Variants in ATP13A1 observed in about 807,000 individuals in gnomAD.
ATP13A1 encodes endoplasmic reticulum transmembrane helix translocase.
In ATP13A1, 55 loss-of-function variants were observed where a neutral mutation model predicts 134.8. The ratio of observed to expected loss-of-function variants is 0.41; its 90% CI spans 0.33 to 0.51. ATP13A1 has a LOEUF of 0.51. Ranked by LOEUF, ATP13A1 falls within the 20% of genes least tolerant of loss-of-function variation. ATP13A1 has a pLI of 0.29. For synonymous variants in ATP13A1, 775 were observed against 725.1 expected, an observed-to-expected ratio of 1.07 and a Z score of -1.10; for missense variants, 1,389 against 1,652.8, an observed-to-expected ratio of 0.84 and a Z score of 2.77.
rs2062015195 is a variant in ATP13A1, at chr19:19,650,178, C to A, written c.2336-238G>T. ...ACTTGCCTGAGAGCCCGGGACACAGCCAGATTAGAACCTGGGCAGTCTGAC... is the reference window on the plus strand; with the variant it reads ...ACTTGCCTGAGAGCCCGGGACACAGACAGATTAGAACCTGGGCAGTCTGAC... On this transcript the variant is annotated intron_variant, in intron 17 of 25. Transcript: ENST00000357324. 5.1e-6 allele frequency: 3 copies of A among 585,770 alleles called. No homozygotes were observed. The Admixed American group carries it at 9.3e-5, about 18-fold the overall frequency. The allele number at this position is 585,770 out of a possible 1,614,324, so 36.3% of individuals were successfully genotyped here. A position where few individuals can be genotyped will look rare whatever the true frequency, so the allele number is the denominator to read the frequency against.
Position 19,656,576 on chromosome 19 carries a change from G to T in ATP13A1, c.1083+84C>A. ...CTGCCTCCTCCGCCTGTGCCTGAGG[G>T]GGATCCCCGCCACCCCCTGGGCCTC... On this transcript the variant is annotated intron_variant, in intron 7 of 25. Coordinates refer to ENST00000357324, the MANE Select transcript of ATP13A1 (RefSeq NM_020410.3). The surrounding 1 kb of genome is among the most constrained non-coding windows in gnomAD (Gnocchi z 4.6). The T allele has an allele frequency of 1.4e-6, 2 of 1,400,020 alleles. No individual in the cohort carries two copies. Among genetic ancestry groups the T allele is most frequent in the Admixed American group, 2.0e-5 (1 of 50,382 alleles). The allele number at this position is 1,400,020 out of a possible 1,614,324, so 86.7% of individuals were successfully genotyped here.
At position 19,647,489 on chromosome 19, in the gene ATP13A1, T is replaced by G; in HGVS notation, c.2833A>C (p.Ser945Arg). 2 of 1,613,332 alleles carry G rather than the reference T, an allele frequency of 1.2e-6. No individual in the cohort carries two copies. The highest frequency in any genetic ancestry group is 1.7e-6 in the Non-Finnish European group (2 of 1,179,632). Residue 945 changes from serine to arginine, a missense_variant, in exon 21 of 26, where the codon AGT becomes CGT. Physicochemically the swap from Ser to Arg is moderately radical, Grantham distance 110. Transcript: ENST00000357324. This position sits in a 1 kb window ranked among gnomAD's most constrained non-coding sequence, Gnocchi z 4.8. ...SQVLRDLEDE[S>R]TPIVKLGDAS... Reference sequence around the variant, plus strand: ...TCCCCCAGTTTCACAATGGGCGTACTCTCGTCCTCGAGGTCTCGCAGCACC... The same window carrying G: ...TCCCCCAGTTTCACAATGGGCGTACGCTCGTCCTCGAGGTCTCGCAGCACC...
Position 19,657,007 on chromosome 19 carries a change from G to A in ATP13A1, c.893C>T (p.Pro298Leu), listed in dbSNP as rs1428250013. ...MSEIRKMGNK[P>L]HMIQVYRSRK... ...TGGCAGCCACACCTGGATCATGTGG[G>A]GCTTGTTGCCCATCTTCCGGATCTC... The change falls in exon 5 of 26, where the codon CCC becomes CTC. Residue 298 changes from proline to leucine, a missense_variant. Physicochemically the swap from Pro to Leu is moderately conservative, Grantham distance 98. Coordinates refer to ENST00000357324, the MANE Select transcript of ATP13A1 (RefSeq NM_020410.3). 2 of 1,588,762 alleles carry A rather than the reference G, an allele frequency of 1.3e-6. No individual in the cohort carries two copies. Among genetic ancestry groups the A allele is most frequent in the Non-Finnish European group, 1.7e-6 (2 of 1,167,008 alleles).
chr19:19,646,574 A>C, intron 22 of ATP13A1: 1 of 581,980 alleles, frequency 1.7e-6, no homozygotes, highest in Non-Finnish European at 3.0e-6. Context: ...CAGGCTCCCC[A>C]TGGCAGCCAC....
rs751754379 is a variant in ATP13A1 at position 19,651,786 on chromosome 19, G to A, written c.2238C>T (p.Ile746=). ...IQNASHRVVM[I]TGDNPLTACH... ...ATGCAGTGAGCGGGTTGTCTCCCGTGATCATGACCACCTTGGGTAAAGAGG... is the reference window on the plus strand; with the variant it reads ...ATGCAGTGAGCGGGTTGTCTCCCGTAATCATGACCACCTTGGGTAAAGAGG... Residue 746 remains isoleucine, a synonymous_variant, in exon 17 of 26, where the codon ATC becomes ATT. Transcript: ENST00000357324. The A allele has an allele frequency of 3.1e-6, 5 of 1,612,336 alleles. No homozygotes were observed. In the East Asian group the frequency reaches 6.7e-5, roughly 22 times the overall value.
At chr19:19,646,009 G>A in intron 23 of ATP13A1, 24 bp from the exon 24 acceptor site, 1 of 1,608,914 alleles carries the variant, frequency 6.2e-7, no homozygotes, top group Non-Finnish European at 8.5e-7. Context: ...TGGGAGTCAG[G>A]GCCCCCTCTC....
At position 19,645,819 on chromosome 19, in the gene ATP13A1, T is replaced by A; in HGVS notation, c.3361-29A>T. On this transcript the variant is annotated intron_variant, in intron 24 of 25. Transcript: ENST00000357324. The surrounding 1 kb of genome is among the most constrained non-coding windows in gnomAD (Gnocchi z 4.1). Reference sequence around the variant, plus strand: ...TGGGGATGAGGGACAGATGGCTTCATGGGGTGGGGCTGGGTGGGCAGACAG... The same window carrying A: ...TGGGGATGAGGGACAGATGGCTTCAAGGGGTGGGGCTGGGTGGGCAGACAG... The A allele has an allele frequency of 3.4e-6, 1 of 293,954 alleles. No individual in the cohort carries two copies. Among genetic ancestry groups the A allele is most frequent in the Non-Finnish European group, 6.8e-6 (1 of 147,040 alleles). The allele number at this position is 293,954 out of a possible 1,614,324, so 18.2% of individuals were successfully genotyped here. A position where few individuals can be genotyped will look rare whatever the true frequency, so the allele number is the denominator to read the frequency against.
At chr19:19,649,972 GC>G in intron 17 of ATP13A1, 32 bp from the exon 18 acceptor site, 1 of 1,546,302 alleles carries the variant, frequency 6.5e-7, no homozygotes, top group East Asian at 2.4e-5. Flanking sequence ...AGGGCTGGGG[GC>G]TTGGCTGACC....
chr19:19,659,569 G>C (rs773540707), intron 3 of ATP13A1, 32 bp downstream of exon 3: 1 of 1,591,216 alleles, frequency 6.3e-7, no homozygotes, highest in Non-Finnish European at 8.6e-7. Flanking sequence ...GGACAGAAAG[G>C]CAAAGGTGCT....
chr19:19,646,210 G>C lies in ATP13A1; in HGVS notation c.3243C>G (p.Pro1081=), dbSNP rs370704039. ...TCCTCCAAGGCAGCACTTACTTCTC[G>C]GGGCTCCGGGCCTGGGCCTCACGGT... ...YLYREAQARS[P]EKQEQFVDLY... The change falls in exon 23 of 26, where the codon CCC becomes CCG. Residue 1081 remains proline, a synonymous_variant. Transcript: ENST00000357324. The C allele has an allele frequency of 1.3e-5, 21 of 1,613,568 alleles. No homozygotes were observed. Among genetic ancestry groups the C allele is most frequent in the Middle Eastern group, 1.6e-4 (1 of 6,084 alleles).
intron 3 of ATP13A1, among the ~76,000 whole-genome samples, chr19:19,657,623 C>T (rs770972965): frequency 4.6e-5 from 7 of 152,210 alleles, no homozygotes; most frequent in Non-Finnish European, 7.3e-5. Flanking sequence ...ACATGCTGCC[C>T]GCCCACAGCC....
intron 12 of ATP13A1, 142 bp downstream of exon 12, chr19:19,654,976 GT>G (rs1203482005): frequency 6.7e-6 from 9 of 1,348,148 alleles, no homozygotes; most frequent in Non-Finnish European, 9.0e-6. Context: ...CCAGGACTTT[GT>G]GGGGAGCCCC....
At chr19:19,651,513 A>G in intron 17 of ATP13A1, 176 bp downstream of exon 17, 1 of 505,648 alleles carries the variant, frequency 2.0e-6, no homozygotes, top group South Asian at 2.8e-5. Flanking sequence ...CCTGCGACCC[A>G]GTGAACGCTC....
intron 16 of ATP13A1, 33 bp from the exon 17 acceptor site, chr19:19,651,830 C>T (rs771953609): frequency 1.9e-6 from 3 of 1,541,292 alleles, no homozygotes; most frequent in Non-Finnish European, 2.7e-6. Context: ...CTCAGCATGG[C>T]ACCCTGGGGC....
intron 16 of ATP13A1, 98 bp from the exon 17 acceptor site, chr19:19,651,895 T>C: frequency 1.1e-6 from 1 of 880,976 alleles, no homozygotes; most frequent in Non-Finnish European, 1.7e-6. Context: ...TAGGCCACAG[T>C]GGGAGATCCT....
intron 17 of ATP13A1, 80 bp downstream of exon 17, chr19:19,651,609 C>T: frequency 8.8e-7 from 1 of 1,135,760 alleles, no homozygotes; most frequent in South Asian, 1.4e-5. Flanking sequence ...AGGCCTGGTA[C>T]ACAGGTGGGC....
chr19:19,651,555 G>T, intron 17 of ATP13A1, 134 bp downstream of exon 17: 1 of 634,422 alleles, frequency 1.6e-6, no homozygotes, highest in Non-Finnish European at 2.6e-6. Flanking sequence ...GTGGGCCAGG[G>T]CTGTGATTAG....
chr19:19,653,968 C>T lies in ATP13A1; in HGVS notation c.1989+1G>A, dbSNP rs1165245753. 6.3e-7 allele frequency: 1 copy of T among 1,592,158 alleles called. No homozygotes were observed. Among genetic ancestry groups the T allele is most frequent in the Non-Finnish European group, 8.5e-7 (1 of 1,169,960 alleles). On this transcript the variant is annotated splice_donor_variant, in intron 14 of 25. Transcript: ENST00000357324. LOFTEE classifies it high-confidence loss of function. This position sits in a 1 kb window ranked among gnomAD's most constrained non-coding sequence, Gnocchi z 4.2. The stretch of plus-strand genomic sequence containing the variant: ...CTTGCCCCAGGCTGGGGCCAGCTCA[C>T]CATGGAGTGCAGAGTTTCGGGGGCC...
chr19:19,647,493 G>T lies in ATP13A1; in HGVS notation c.2829C>A (p.Asp943Glu). 1 of 1,613,146 alleles carries T rather than the reference G, an allele frequency of 6.2e-7. No homozygotes were observed. Among genetic ancestry groups the T allele is most frequent in the East Asian group, 2.2e-5 (1 of 44,844 alleles). ...RLSQVLRDLE[D>E]ESTPIVKLGD... Reference sequence around the variant, plus strand: ...CCAGTTTCACAATGGGCGTACTCTCGTCCTCGAGGTCTCGCAGCACCTGGC... The same window carrying T: ...CCAGTTTCACAATGGGCGTACTCTCTTCCTCGAGGTCTCGCAGCACCTGGC... Residue 943 changes from aspartate to glutamate, a missense_variant, in exon 21 of 26, where the codon GAC becomes GAA. Around this residue, in one of 4 missense-constraint regions of ATP13A1, gnomAD observed 121 missense variants for 104.9 expected, o/e 1.15. Coordinates refer to ENST00000357324, the MANE Select transcript of ATP13A1 (RefSeq NM_020410.3). The surrounding 1 kb of genome is among the most constrained non-coding windows in gnomAD (Gnocchi z 4.8).
Sources: allele counts gnomAD v4.1 joint callset (sites outside exome capture counted in the v4.1 genomes callset), GRCh38; gene constraint gnomAD v4.1.1; regional missense constraint gnomAD v4.1.1; non-coding constraint Gnocchi (gnomAD v3.1); transcripts MANE v1.5; gene names NCBI Gene and HGNC (gene_info 2026-07-23, HGNC 2026-07-21).